ELOB: variants seen among roughly 807,000 people sequenced by gnomAD.
ELOB encodes the protein elongin B, also known as elongin-B.
ELOB carries 3 observed loss-of-function variants against 12.9 expected under a neutral mutation model. That is an observed-to-expected ratio of 0.23 (90% CI 0.11 to 0.60). The LOEUF is 0.60. Ranked by LOEUF, ELOB falls within the 20% of genes least tolerant of loss-of-function variation. The probability of loss-of-function intolerance (pLI) is 0.89; values close to 1 mark genes in which losing one functional copy is unlikely to be tolerated. For missense variants in ELOB, 126 were observed against 159.2 expected (o/e 0.79, Z 1.12); for synonymous variants, 84 against 67.4 (o/e 1.25, Z -1.21).
Position 2,771,533 on chromosome 16 carries a change from G to A in ELOB, c.*457C>T, listed in dbSNP as rs1005626834. On this transcript the variant is annotated 3_prime_UTR_variant, in exon 4 of 4. Transcript: ENST00000409906. ...GTCTTGGGGTTCCCTCGTTGAACATGCTGTCAAACCAGGACACTGGCTCCA... is the reference window on the plus strand; with the variant it reads ...GTCTTGGGGTTCCCTCGTTGAACATACTGTCAAACCAGGACACTGGCTCCA... The A allele has an allele frequency of 5.6e-6, 9 of 1,614,074 alleles. No individual in the cohort carries two copies. The African/African-American group carries it at 1.2e-4, about 22-fold the overall frequency.
intron 3 of ELOB, 39 bp downstream of exon 3, chr16:2,775,412 T>C: frequency 6.7e-7 from 1 of 1,488,178 alleles, no homozygotes; most frequent in Non-Finnish European, 9.1e-7. Context: ...CCCAACCTGC[T>C]TGGCTACCAC....
chr16:2,771,650 A>G lies in ELOB; in HGVS notation c.*340T>C. The G allele has an allele frequency of 6.2e-7, 1 of 1,612,250 alleles. No individual in the cohort carries two copies. The highest frequency in any genetic ancestry group is 8.5e-7 in the Non-Finnish European group (1 of 1,179,386). On this transcript the variant is annotated 3_prime_UTR_variant, in exon 4 of 4. Transcript: ENST00000409906. ...TAGAAGGAGAAAGGCCTAAAACTGG[A>G]ATCTCTTGTCCCTGAGGCTGGCTCT...
chr16:2,777,219 TC>T lies in ELOB; in HGVS notation c.3+17del. 1 of 825,886 alleles carries T rather than the reference TC, an allele frequency of 1.2e-6. No individual in the cohort carries two copies. 51.2% of individuals were successfully genotyped at this position (825,886 alleles called of 1,614,324 possible). A position where few individuals can be genotyped will look rare whatever the true frequency, so the allele number is the denominator to read the frequency against. On this transcript the variant is annotated intron_variant, in intron 1 of 3. Coordinates refer to ENST00000409906, the MANE Select transcript of ELOB (RefSeq NM_007108.4). ...GCCCCCGGCCCGGCCCGGCCGCCCC[TC>T]CCCCACGCCCGCTCACCATCGCGGC...
At chr16:2,776,046 A>G (rs1313789363) in intron 2 of ELOB, among the ~76,000 whole-genome samples, 8 of 152,184 alleles carry the variant, frequency 5.3e-5, no homozygotes, top group Admixed American at 5.2e-4. Flanking sequence ...CCATGCCACC[A>G]CGGCTGGCTG....
intron 1 of ELOB, 25 bp from the exon 2 acceptor site, chr16:2,777,152 C>G: frequency 7.1e-7 from 1 of 1,416,178 alleles, no homozygotes; most frequent in Admixed American, 2.2e-5. Context: ...CCGGCGTGAG[C>G]ACGAAGCCCG....
chr16:2,771,961 A>G lies in ELOB; in HGVS notation c.*29T>C, dbSNP rs749881456. The G allele has an allele frequency of 6.4e-7, 1 of 1,571,004 alleles. No individual in the cohort carries two copies. Among genetic ancestry groups the G allele is most frequent in the Non-Finnish European group, 8.6e-7 (1 of 1,159,336 alleles). ...CCAGGCAGACTCCCAAATCTCTTTT[A>G]TTGGGGGAAATGGGCCTCTTGGGGG... is the stretch of plus-strand genomic sequence containing the variant. On this transcript the variant is annotated 3_prime_UTR_variant, in exon 4 of 4. Coordinates refer to ENST00000409906, the MANE Select transcript of ELOB (RefSeq NM_007108.4).
chr16:2,776,755 A>C (rs986928082), intron 2 of ELOB, among the ~76,000 whole-genome samples: 1 of 152,236 alleles, frequency 6.6e-6, no homozygotes, highest in Non-Finnish European at 1.5e-5. Flanking sequence ...CAGGGGTTGC[A>C]TGCCACGGTG....
chr16:2,772,154 C>G, intron 3 of ELOB, 52 bp from the exon 4 acceptor site: 1 of 1,517,182 alleles, frequency 6.6e-7, no homozygotes, highest in Non-Finnish European at 8.8e-7. Flanking sequence ...CTTGCCCCAG[C>G]TGGGGCCTTG....
In ELOB at chr16:2,771,819, CCAGGGTCTCAGGATCTGGGAGA is replaced by C; in HGVS notation, c.*149_*170del. On this transcript the variant is annotated 3_prime_UTR_variant, in exon 4 of 4. Coordinates refer to ENST00000409906, the MANE Select transcript of ELOB (RefSeq NM_007108.4). ...GCAGCAGGCTGGGCCAAGTTCTCAG[CCAGGGTCTCAGGATCTGGGAGA>C]CAGGACAGCACAGGAACTGCCAAGC... The C allele has an allele frequency of 5.5e-6, 8 of 1,451,588 alleles. No individual in the cohort carries two copies. The highest frequency in any genetic ancestry group is 7.2e-6 in the Non-Finnish European group (8 of 1,106,026). 89.9% of individuals were successfully genotyped at this position (1,451,588 alleles called of 1,614,324 possible). A position where few individuals can be genotyped will look rare whatever the true frequency, so the allele number is the denominator to read the frequency against.
intron 3 of ELOB, among the ~76,000 whole-genome samples, chr16:2,774,695 T>C (rs959260218): frequency 1.3e-5 from 2 of 152,234 alleles, no homozygotes; most frequent in Non-Finnish European, 2.9e-5. Context: ...CACAGCTCTA[T>C]AACCTCTCTT....
Position 2,777,229 on chromosome 16 carries a change from C to T in ELOB, c.3+8G>A, listed in dbSNP as rs1476402727. On this transcript the variant is annotated splice_region_variant and intron_variant, in intron 1 of 3. Transcript: ENST00000409906. ...CGGCCCGGCCGCCCCTCCCCCACGC[C>T]CGCTCACCATCGCGGCTGCTGCCTC... 18 of 1,017,742 alleles carry T rather than the reference C, an allele frequency of 1.8e-5. No individual in the cohort carries two copies. Among genetic ancestry groups the T allele is most frequent in the African/African-American group, 3.5e-5 (2 of 57,326 alleles). The allele number at this position is 1,017,742 out of a possible 1,614,324, so 63.0% of individuals were successfully genotyped here.
chr16:2,773,205 C>T (rs1028897533), intron 3 of ELOB, among the ~76,000 whole-genome samples: 4 of 152,050 alleles, frequency 2.6e-5, no homozygotes, highest in African/African-American at 9.7e-5. Context: ...TCAGGCATCC[C>T]AGGGAAAGCT....
chr16:2,771,700 T>TC lies in ELOB; in HGVS notation c.*289dup, dbSNP rs2150782984. The TC allele has an allele frequency of 1.3e-6, 2 of 1,577,880 alleles. No individual in the cohort carries two copies. Among genetic ancestry groups the TC allele is most frequent in the African/African-American group, 2.7e-5 (2 of 74,188 alleles). ...TGGTCTTTGTGTCTCTCCCAGTCCT[T>TC]CCCTTTCCTCCCCCTGGCGTGGTTG... On this transcript the variant is annotated 3_prime_UTR_variant, in exon 4 of 4. Transcript: ENST00000409906.
chr16:2,776,016 G>A (rs1233618485), intron 2 of ELOB, among the ~76,000 whole-genome samples: 3 of 152,166 alleles, frequency 2.0e-5, no homozygotes. Context: ...TCAGCCTTCA[G>A]AGTAGCTGGG....
chr16:2,773,698 G>C (rs1165533481), intron 3 of ELOB, among the ~76,000 whole-genome samples: 1 of 152,148 alleles, frequency 6.6e-6, no homozygotes, highest in African/African-American at 2.4e-5. Flanking sequence ...CCTGGGCTCC[G>C]GAGTCACCAC....
In ELOB at chr16:2,771,628, A is replaced by G. The variant is rs767872586; in HGVS notation, c.*362T>C. 15 of 1,613,592 alleles carry G rather than the reference A, an allele frequency of 9.3e-6. No individual in the cohort carries two copies. Among genetic ancestry groups the G allele is most frequent in the African/African-American group, 1.3e-5 (1 of 74,982 alleles). ...GGCTATGGGGGTGGGGGGCACTTAG[A>G]AGGAGAAAGGCCTAAAACTGGAATC... On this transcript the variant is annotated 3_prime_UTR_variant, in exon 4 of 4. Transcript: ENST00000409906.
intron 3 of ELOB, among the ~76,000 whole-genome samples, chr16:2,773,329 CCCACACAGCAAT>C (rs1215567793): frequency 6.6e-6 from 1 of 152,098 alleles, no homozygotes; most frequent in Admixed American, 6.5e-5. Flanking sequence ...CACAAGGCAA[CCCACACAGCAAT>C]CCAGCCCAAT....
chr16:2,773,649 C>CT (rs2150784322), intron 3 of ELOB, among the ~76,000 whole-genome samples: 1 of 152,276 alleles, frequency 6.6e-6, no homozygotes, highest in Non-Finnish European at 1.5e-5. Context: ...GCTGTGCCCC[C>CT]TATCAAGACA....
chr16:2,776,830 G>A (rs1044360087), intron 2 of ELOB, among the ~76,000 whole-genome samples, 163 bp downstream of exon 2: 3 of 152,100 alleles, frequency 2.0e-5, no homozygotes, highest in South Asian at 2.1e-4. Context: ...TCCCCGCGGC[G>A]AGCGCAGCTC....
Sources: allele counts gnomAD v4.1 joint callset (sites outside exome capture counted in the v4.1 genomes callset), GRCh38; gene constraint gnomAD v4.1.1; transcripts MANE v1.5; gene names NCBI Gene and HGNC (gene_info 2026-07-23, HGNC 2026-07-21).